CNTNAP5: variants seen among roughly 807,000 people sequenced by gnomAD.
CNTNAP5 encodes the protein contactin associated protein family member 5.
CNTNAP5 carries 72 observed loss-of-function variants against 150.2 expected under a neutral mutation model. The observed-to-expected ratio is 0.48, with a 90% confidence interval of 0.40 to 0.58. CNTNAP5 has a LOEUF of 0.58. Ranked by LOEUF, CNTNAP5 falls within the 20% of genes least tolerant of loss-of-function variation. The pLI is 0.00. For missense variants in CNTNAP5, 1,636 were observed against 1,626.2 expected, an observed-to-expected ratio of 1.01 and a Z score of -0.10; for synonymous variants, 672 against 619.8, an observed-to-expected ratio of 1.08 and a Z score of -1.25.
At position 124,447,067 on chromosome 2, in the gene CNTNAP5, C is replaced by T. The variant is rs1032695592; in HGVS notation, c.918+130C>T. 7.5e-6 allele frequency: 6 copies of T among 801,586 alleles called. No homozygotes were observed. In the African/African-American group the frequency reaches 1.0e-4, roughly 14 times the overall value. 49.7% of individuals were successfully genotyped at this position (801,586 alleles called of 1,614,324 possible). A position where few individuals can be genotyped will look rare whatever the true frequency, so the allele number is the denominator to read the frequency against. On this transcript the variant is annotated intron_variant, in intron 6 of 23. Coordinates refer to ENST00000682447, the MANE Select transcript of CNTNAP5 (RefSeq NM_001367498.1). ...AGTCTTACCCTGGGACTTACTTCCT[C>T]CATCTATGCCAGATAGTCAACAAGG...
At chr2:124,372,089 A>G (rs1690542377) in intron 3 of CNTNAP5, among the ~76,000 whole-genome samples, 1 of 151,962 alleles carries the variant, frequency 6.6e-6, no homozygotes, top group African/African-American at 2.4e-5. Flanking sequence ...GGCTAACAGA[A>G]AGCAAGTAGA....
At chr2:124,473,516 G>T (rs532327185) in intron 6 of CNTNAP5, among the ~76,000 whole-genome samples, 3 of 151,942 alleles carry the variant, frequency 2.0e-5, no homozygotes, top group Non-Finnish European at 4.4e-5. Context: ...TTACTAGTGT[G>T]AAGCTTGTAA....
At chr2:124,102,433 C>G (rs1477994963) in intron 1 of CNTNAP5, among the ~76,000 whole-genome samples, 2 of 152,194 alleles carry the variant, frequency 1.3e-5, no homozygotes, top group Non-Finnish European at 2.9e-5. Context: ...AGTTCAGCGA[C>G]CAGGCTCTTC....
At chr2:124,487,866 G>A in intron 7 of CNTNAP5, among the ~76,000 whole-genome samples, 1 of 151,910 alleles carries the variant, frequency 6.6e-6, no homozygotes, top group East Asian at 1.9e-4. Context: ...ACGACATTTG[G>A]GTAAAACTTC....
chr2:124,200,643 T>C (rs1236813181), intron 1 of CNTNAP5, among the ~76,000 whole-genome samples: 1 of 152,240 alleles, frequency 6.6e-6, no homozygotes, highest in Non-Finnish European at 1.5e-5. Context: ...CTTACTCATA[T>C]TGTTTCACTG....
chr2:124,243,678 G>C (rs1012636837), intron 3 of CNTNAP5, among the ~76,000 whole-genome samples: 21 of 152,090 alleles, frequency 1.4e-4, no homozygotes, highest in African/African-American at 5.1e-4. Context: ...TTGGGAGGAC[G>C]GCGAGAGTCC....
rs1678813534 is a variant in CNTNAP5 at position 124,918,554 on chromosome 2, T to A, written c.*4266T>A. ...ATCCAGTCCAAGATATCCAGGGAGATGAGGATGAGACCTGTTGAATTTTTT... is the reference window on the plus strand; with the variant it reads ...ATCCAGTCCAAGATATCCAGGGAGAAGAGGATGAGACCTGTTGAATTTTTT... On this transcript the variant is annotated 3_prime_UTR_variant, in exon 24 of 24. Coordinates refer to ENST00000682447, the MANE Select transcript of CNTNAP5 (RefSeq NM_001367498.1). Among the ~76,000 whole-genome samples the A allele has an allele frequency of 6.6e-6, 1 of 151,998 alleles. No individual in the cohort carries two copies. The highest frequency in any genetic ancestry group is 2.4e-5 in the African/African-American group (1 of 41,408).
intron 3 of CNTNAP5, among the ~76,000 whole-genome samples, chr2:124,282,994 CTTT>C (rs61480383): frequency 1.1e-4 from 16 of 140,438 alleles, no homozygotes; most frequent in Admixed American, 2.9e-4. Flanking sequence ...GTCCATTGCT[CTTT>C]TTTTTTTTTT....
rs574641711 is a variant in CNTNAP5 at position 124,261,045 on chromosome 2, A to G, written c.381+18652A>G. Among the ~76,000 whole-genome samples the G allele has an allele frequency of 2.6e-3, 395 of 152,244 alleles. 2 individuals carry two copies. Among genetic ancestry groups the G allele is most frequent in the African/African-American group, 9.0e-3 (373 of 41,572 alleles). On this transcript the variant is annotated intron_variant, in intron 3 of 23. Coordinates refer to ENST00000682447, the MANE Select transcript of CNTNAP5 (RefSeq NM_001367498.1). ...AAATACACCTCAAATTTTATAATAA[A>G]ATTAGAAATGGCAAGGAGTTCTATG...
intron 1 of CNTNAP5, among the ~76,000 whole-genome samples, chr2:124,040,824 C>T (rs1389957891): frequency 6.6e-6 from 1 of 152,026 alleles, no homozygotes; most frequent in Non-Finnish European, 1.5e-5. Flanking sequence ...AATATATATA[C>T]TGAGAAATGT....
At chr2:124,416,432 A>G (rs955830541) in intron 3 of CNTNAP5, among the ~76,000 whole-genome samples, 1 of 152,062 alleles carries the variant, frequency 6.6e-6, no homozygotes, top group African/African-American at 2.4e-5. Flanking sequence ...TTCACATCCA[A>G]ATAAAGGCTA....
intron 6 of CNTNAP5, among the ~76,000 whole-genome samples, chr2:124,471,139 T>C (rs1693504229): frequency 6.6e-6 from 1 of 152,218 alleles, no homozygotes; most frequent in African/African-American, 2.4e-5. Flanking sequence ...GGAATAACAT[T>C]GAATCTATAC....
At chr2:124,455,237 A>G (rs368485719) in intron 6 of CNTNAP5, among the ~76,000 whole-genome samples, 19 of 152,300 alleles carry the variant, frequency 1.2e-4, no homozygotes, top group African/African-American at 4.6e-4. Flanking sequence ...GACACCACAG[A>G]GATACAAAAG....
At chr2:124,633,227 AGT>A (rs138566193) in intron 12 of CNTNAP5, among the ~76,000 whole-genome samples, 1,572 of 152,274 alleles carry the variant, frequency 0.01, 27 homozygotes, top group African/African-American at 0.036. Context: ...TCCTCAATCC[AGT>A]GTCTCACTTG....
intron 4 of CNTNAP5, among the ~76,000 whole-genome samples, chr2:124,426,709 G>C (rs1692246204): frequency 6.6e-6 from 1 of 152,152 alleles, no homozygotes; most frequent in Non-Finnish European, 1.5e-5. Flanking sequence ...ATTCAGTGAA[G>C]CCCTTTTTTT....
intron 23 of CNTNAP5, among the ~76,000 whole-genome samples, chr2:124,912,987 A>G (rs943763683): frequency 2.6e-5 from 4 of 152,100 alleles, no homozygotes; most frequent in Non-Finnish European, 4.4e-5. Context: ...AAAATGCCAC[A>G]AAATGATTTA....
At chr2:124,054,784 C>T (rs558005715) in intron 1 of CNTNAP5, among the ~76,000 whole-genome samples, 48 of 152,302 alleles carry the variant, frequency 3.2e-4, no homozygotes, top group African/African-American at 1.0e-3. Flanking sequence ...CTACCCTCAC[C>T]TGCTCTGGGT....
At chr2:124,473,714 G>A (rs1028959281) in intron 6 of CNTNAP5, among the ~76,000 whole-genome samples, 7 of 151,968 alleles carry the variant, frequency 4.6e-5, no homozygotes, top group Middle Eastern at 3.2e-3. Context: ...ATATTTCAAA[G>A]CAGTGGAAAA....
At chr2:124,499,093 C>T (rs1483449316) in intron 7 of CNTNAP5, among the ~76,000 whole-genome samples, 2 of 152,146 alleles carry the variant, frequency 1.3e-5, no homozygotes, top group African/African-American at 4.8e-5. Flanking sequence ...CTTAAATCAT[C>T]CCACTACTAT....
Sources: gnomAD v4.1 joint callset for allele counts (sites outside exome capture counted in the v4.1 genomes callset) on GRCh38, gnomAD v4.1.1 for gene constraint, MANE v1.5 for transcripts, NCBI Gene and HGNC (gene_info 2026-07-23, HGNC 2026-07-21) for gene names.